The following THBS4 variants were observed in gnomAD, a reference collection of about 807,000 sequenced individuals.
The protein encoded by THBS4 is thrombospondin-4.
THBS4 carries 90 observed loss-of-function variants against 115.7 expected under a neutral mutation model. That is an observed-to-expected ratio of 0.78 (90% confidence interval 0.66 to 0.93). The LOEUF (loss-of-function observed/expected upper bound fraction) is 0.93. THBS4 is among the 40% of genes least tolerant of loss of function. The pLI, the probability that THBS4 is intolerant of heterozygous loss-of-function variation, is 0.00. For missense variants in THBS4, 1,087 were observed against 1,232.7 expected (o/e 0.88, Z 1.77); for synonymous variants, 460 against 479.3 (o/e 0.96, Z 0.53).
intron 2 of THBS4, among the ~76,000 whole-genome samples, chr5:80,043,935 T>C (rs544769525): frequency 4.6e-5 from 7 of 152,330 alleles, no homozygotes; most frequent in Admixed American, 4.6e-4. Flanking sequence ...TTATCCCTCA[T>C]TCCAGCCTCC....
chr5:80,022,510 A>G (rs1832398117), intron 2 of THBS4, among the ~76,000 whole-genome samples: 1 of 152,212 alleles, frequency 6.6e-6, no homozygotes, highest in African/African-American at 2.4e-5. Context: ...CTTTACCATA[A>G]TACTGTAAAA....
intron 2 of THBS4, among the ~76,000 whole-genome samples, chr5:80,019,044 T>G (rs1320103497): frequency 6.6e-6 from 1 of 151,796 alleles, no homozygotes; most frequent in East Asian, 1.9e-4. Context: ...TGTGATTGTT[T>G]TTTTTTTTTT....
chr5:80,040,719 T>C (rs1442872421), intron 2 of THBS4, among the ~76,000 whole-genome samples: 2 of 152,210 alleles, frequency 1.3e-5, no homozygotes, highest in Non-Finnish European at 2.9e-5. Context: ...TCAGTCCATT[T>C]TGTGTTGCTA....
At chr5:79,995,460 GC>G (rs1361322278) in intron 1 of THBS4, among the ~76,000 whole-genome samples, 3 of 152,112 alleles carry the variant, frequency 2.0e-5, no homozygotes, top group Admixed American at 1.3e-4. Flanking sequence ...AGGTCTAAGA[GC>G]ATGAGGAATA....
In THBS4 at chr5:80,035,658, G is replaced by A. The variant is rs1353326941; in HGVS notation, c.88+33G>A. On this transcript the variant is annotated intron_variant, in intron 1 of 21. Transcript: ENST00000350881. The surrounding 1 kb of genome is among the most constrained non-coding windows in gnomAD (Gnocchi z 4.6). ...GGTTCGGGTCGGGCCTGGGAGCGCC[G>A]GGCACCGGGTGCCCCATCTGCTGAG... 7.7e-7 allele frequency: 1 copy of A among 1,297,572 alleles called. No homozygotes were observed. Among genetic ancestry groups the A allele is most frequent in the Non-Finnish European group, 9.8e-7 (1 of 1,017,662 alleles). 80.4% of individuals were successfully genotyped at this position (1,297,572 alleles called of 1,614,324 possible).
intron 21 of THBS4, 32 bp from the exon 22 acceptor site, chr5:80,083,048 C>T (rs1190272234): frequency 1.9e-6 from 3 of 1,603,544 alleles, no homozygotes; most frequent in Non-Finnish European, 2.6e-6. Flanking sequence ...GAAGGAGCCT[C>T]GCTAACCTCC....
At chr5:80,078,587 A>C (rs948674424) in intron 17 of THBS4, among the ~76,000 whole-genome samples, 1 of 152,216 alleles carries the variant, frequency 6.6e-6, no homozygotes, top group Non-Finnish European at 1.5e-5. Context: ...GCAGGCACAG[A>C]GAGGCTTAGT....
intron 1 of THBS4, among the ~76,000 whole-genome samples, chr5:79,997,980 A>G (rs1232353387): frequency 6.6e-6 from 1 of 152,246 alleles, no homozygotes; most frequent in Admixed American, 6.5e-5. Flanking sequence ...GAGAATGACA[A>G]GAAGCCACAG....
chr5:80,027,333 T>C (rs923395742), intron 2 of THBS4, among the ~76,000 whole-genome samples: 1 of 152,104 alleles, frequency 6.6e-6, no homozygotes, highest in Non-Finnish European at 1.5e-5. Context: ...TTTTAGATGA[T>C]ATCATGTAAA....
At chr5:80,017,361 T>G (rs536648378) in intron 2 of THBS4, among the ~76,000 whole-genome samples, 6 of 152,128 alleles carry the variant, frequency 3.9e-5, no homozygotes, top group Non-Finnish European at 8.8e-5. Flanking sequence ...CAACAAAATG[T>G]GTGTTTTTTT....
At chr5:80,016,738 T>C (rs1413343452) in intron 2 of THBS4, among the ~76,000 whole-genome samples, 1 of 152,216 alleles carries the variant, frequency 6.6e-6, no homozygotes, top group Non-Finnish European at 1.5e-5. Flanking sequence ...AGATTTTGCC[T>C]GTCCTGTTAG....
chr5:80,057,617 T>C (rs1240001181), intron 3 of THBS4, among the ~76,000 whole-genome samples: 1 of 152,238 alleles, frequency 6.6e-6, no homozygotes, highest in African/African-American at 2.4e-5. Flanking sequence ...AATGTTTTGT[T>C]GTATATAGAT....
At chr5:80,042,046 G>A (rs1320383320) in intron 2 of THBS4, among the ~76,000 whole-genome samples, 1 of 152,174 alleles carries the variant, frequency 6.6e-6, no homozygotes, top group Non-Finnish European at 1.5e-5. Context: ...CTTCTTGCCT[G>A]CTTCCACGCT....
chr5:80,078,991 C>G (rs748972289), intron 18 of THBS4, 22 bp downstream of exon 18: 6 of 1,613,808 alleles, frequency 3.7e-6, no homozygotes, highest in Non-Finnish European at 4.2e-6. Context: ...GCCTCAGTTG[C>G]CACTCACATA....
intron 2 of THBS4, among the ~76,000 whole-genome samples, chr5:80,041,832 A>G (rs2112036925): frequency 6.6e-6 from 1 of 152,144 alleles, no homozygotes; most frequent in African/African-American, 2.4e-5. Context: ...GCTGGGTTTT[A>G]TGTTTATTTC....
At chr5:80,072,236 A>C in intron 13 of THBS4, 42 bp from the exon 14 acceptor site, 1 of 1,575,184 alleles carries the variant, frequency 6.3e-7, no homozygotes, top group Non-Finnish European at 8.7e-7. Context: ...AGAAGAAGTC[A>C]GTGACATTCC....
Position 80,067,050 on chromosome 5 carries a change from G to C in THBS4, c.1195-923G>C, listed in dbSNP as rs1014710031. ...TGGATGTCTTTTACGACCTGTAAAT[G>C]TTATGCCAATAAAACTGCATAAGAT... is the stretch of plus-strand genomic sequence containing the variant. On this transcript the variant is annotated intron_variant, in intron 9 of 21. Transcript: ENST00000350881. 5.9e-5 allele frequency: 9 copies of C among 152,268 alleles called. No individual in the cohort carries two copies. The South Asian group carries it at 1.5e-3, about 25-fold the overall frequency. The allele number at this position is 152,268 out of a possible 1,614,324, so 9.4% of individuals were successfully genotyped here.
At chr5:80,035,083 C>T (rs1465657258), upstream of THBS4, among the ~76,000 whole-genome samples, 1 of 152,120 alleles carries the variant, frequency 6.6e-6, no homozygotes. This position sits in a 1 kb window ranked among gnomAD's most constrained non-coding sequence, Gnocchi z 4.6. Context: ...GGTCTCTGCT[C>T]AGCACCCCTT....
chr5:80,042,826 C>G (rs1282207774), intron 2 of THBS4, among the ~76,000 whole-genome samples: 4 of 152,044 alleles, frequency 2.6e-5, no homozygotes, highest in Non-Finnish European at 5.9e-5. Flanking sequence ...ATTAGCCAGG[C>G]ATGGCAGTAT....
Sources: gnomAD v4.1 joint callset for allele counts (sites outside exome capture counted in the v4.1 genomes callset) on GRCh38, gnomAD v4.1.1 for gene constraint, Gnocchi (gnomAD v3.1) non-coding constraint, MANE v1.5 for transcripts, NCBI Gene and HGNC (gene_info 2026-07-23, HGNC 2026-07-21) for gene names.